MYCBP2: variants seen among roughly 807,000 people sequenced by gnomAD.
The protein encoded by MYCBP2 is MYC binding protein 2.
In MYCBP2, 120 loss-of-function variants were observed where a neutral mutation model predicts 525.3. The observed-to-expected ratio is 0.23, with a 90% CI of 0.20 to 0.27. The LOEUF is 0.27. Among genes scored for constraint, MYCBP2 ranks in the 10% least tolerant of loss-of-function variants. MYCBP2 has a pLI of 1.00. For missense variants in MYCBP2, 4,149 were observed against 5,657.1 expected, an observed-to-expected ratio of 0.73 and a Z score of 8.55; for synonymous variants, 1,894 against 1,955.8, an observed-to-expected ratio of 0.97 and a Z score of 0.83.
chr13:77,180,294 T>C lies in MYCBP2; in HGVS notation c.4966A>G (p.Thr1656Ala). ...TTCTCCAGAACTTCACGGAAGCTTG[T>C]CATCCCTGAGATATTCTCTTCACTC... ...SQSEENISGMTSFREVLEKML... is the reference protein window; with the variant it reads ...SQSEENISGMASFREVLEKML... The change falls in exon 34 of 83, where the codon ACA (threonine) becomes GCA (alanine). Residue 1656 changes from threonine to alanine, a missense_variant. Physicochemically the swap from Thr to Ala is moderately conservative, Grantham distance 58. Coordinates refer to ENST00000544440, the MANE Select transcript of MYCBP2 (RefSeq NM_015057.5). 1 of 1,614,156 alleles carries C rather than the reference T, an allele frequency of 6.2e-7. No individual in the cohort carries two copies. Among genetic ancestry groups the C allele is most frequent in the Non-Finnish European group, 8.5e-7 (1 of 1,179,990 alleles).
intron 17 of MYCBP2, among the ~76,000 whole-genome samples, chr13:77,241,200 T>C (rs569267551): frequency 6.6e-6 from 1 of 152,306 alleles, no homozygotes; most frequent in Admixed American, 6.5e-5. Flanking sequence ...AAGAATATTC[T>C]GCAATCACCA....
At chr13:77,184,445 A>C (rs942206605) in intron 32 of MYCBP2, among the ~76,000 whole-genome samples, 8 of 152,344 alleles carry the variant, frequency 5.3e-5, no homozygotes, top group African/African-American at 1.9e-4. Flanking sequence ...TCTTTTAAAA[A>C]TCATGTGTAC....
intron 60 of MYCBP2, 90 bp from the exon 61 acceptor site, chr13:77,089,121 G>T (rs2044889343): frequency 2.0e-6 from 2 of 975,756 alleles, no homozygotes; most frequent in East Asian, 2.7e-5. Context: ...TAAAGCCTTT[G>T]TCATTGGTTT....
intron 1 of MYCBP2, among the ~76,000 whole-genome samples, chr13:77,308,783 T>C (rs184997868): frequency 6.6e-6 from 1 of 152,182 alleles, no homozygotes; most frequent in Non-Finnish European, 1.5e-5. Context: ...GTTACCCTGA[T>C]GGGGAACTAG....
intron 14 of MYCBP2, among the ~76,000 whole-genome samples, chr13:77,252,993 T>C (rs939214327): frequency 1.3e-4 from 19 of 151,994 alleles, no homozygotes; most frequent in African/African-American, 4.6e-4. Context: ...CTAATTTATA[T>C]GGAAAATAAA....
intron 15 of MYCBP2, among the ~76,000 whole-genome samples, chr13:77,247,994 G>A (rs1309429753): frequency 6.6e-6 from 1 of 151,996 alleles, no homozygotes; most frequent in African/African-American, 2.4e-5. Flanking sequence ...CCTGTTGTGG[G>A]GTGGGGGAAG....
chr13:77,317,766 G>A (rs867732663), intron 1 of MYCBP2, among the ~76,000 whole-genome samples: 6 of 152,096 alleles, frequency 3.9e-5, no homozygotes, highest in South Asian at 4.2e-4. Context: ...GTGAAACCCC[G>A]TCTCTACTAA....
chr13:77,182,193 T>G (rs1595197602), intron 32 of MYCBP2, among the ~76,000 whole-genome samples: 1 of 152,174 alleles, frequency 6.6e-6, no homozygotes, highest in Non-Finnish European at 1.5e-5. Context: ...TATTTTCATA[T>G]CCTCACAATC....
At chr13:77,312,966 T>C (rs2080455758) in intron 1 of MYCBP2, among the ~76,000 whole-genome samples, 1 of 151,930 alleles carries the variant, frequency 6.6e-6, no homozygotes, top group Non-Finnish European at 1.5e-5. Flanking sequence ...CCGAACACAT[T>C]CTTCTCAAGT....
chr13:77,282,643 T>C (rs951980040), intron 3 of MYCBP2, among the ~76,000 whole-genome samples: 4 of 151,984 alleles, frequency 2.6e-5, no homozygotes, highest in Non-Finnish European at 5.9e-5. Context: ...TAGTGATAAC[T>C]CCCAAATCTA....
intron 8 of MYCBP2, among the ~76,000 whole-genome samples, chr13:77,266,152 T>C (rs1477906785): frequency 1.3e-5 from 2 of 152,204 alleles, no homozygotes; most frequent in Non-Finnish European, 2.9e-5. Context: ...CAGTCTCTAT[T>C]AAATGTGCAG....
intron 2 of MYCBP2, 145 bp downstream of exon 2, chr13:77,296,454 G>T: frequency 1.2e-6 from 1 of 831,642 alleles, no homozygotes; most frequent in Non-Finnish European, 1.7e-6. Flanking sequence ...GAAACTAAAA[G>T]AGGAACCAAA....
intron 62 of MYCBP2, among the ~76,000 whole-genome samples, chr13:77,084,597 G>C (rs1394804612): frequency 6.6e-6 from 1 of 152,084 alleles, no homozygotes; most frequent in East Asian, 1.9e-4. Flanking sequence ...TTACTCCTAA[G>C]GCATGGTCTG....
At chr13:77,148,964 G>A (rs2056058577) in intron 47 of MYCBP2, among the ~76,000 whole-genome samples, 1 of 151,914 alleles carries the variant, frequency 6.6e-6, no homozygotes, top group Non-Finnish European at 1.5e-5. Context: ...TCCTATTTAA[G>A]GCCAATGCTA....
chr13:77,142,578 T>A (rs2054864566), intron 49 of MYCBP2, among the ~76,000 whole-genome samples: 1 of 152,238 alleles, frequency 6.6e-6, no homozygotes, highest in Non-Finnish European at 1.5e-5. Flanking sequence ...ATTATTACTA[T>A]CTCCACCCTG....
intron 29 of MYCBP2, among the ~76,000 whole-genome samples, chr13:77,189,428 A>G (rs1487146930): frequency 2.6e-5 from 4 of 152,202 alleles, no homozygotes; most frequent in Admixed American, 2.6e-4. Context: ...GTAGAGCTAC[A>G]TATTACAAAC....
intron 55 of MYCBP2, among the ~76,000 whole-genome samples, chr13:77,110,515 T>G (rs945419822): frequency 2.6e-5 from 4 of 152,196 alleles, no homozygotes; most frequent in Non-Finnish European, 5.9e-5. Flanking sequence ...CCTTGTGATC[T>G]TTGCTTTGCC....
intron 30 of MYCBP2, among the ~76,000 whole-genome samples, chr13:77,188,203 A>G (rs892563996): frequency 2.0e-5 from 3 of 152,158 alleles, no homozygotes; most frequent in African/African-American, 4.8e-5. Flanking sequence ...CATTCCTACC[A>G]GGAATATATA....
At chr13:77,056,073 C>T (rs140146141) in intron 79 of MYCBP2, among the ~76,000 whole-genome samples, 1,801 of 145,898 alleles carry the variant, frequency 0.012, 39 homozygotes, top group South Asian at 0.08. Context: ...TACCTTGTTG[C>T]CACAAATAAG....
Sources: allele counts gnomAD v4.1 joint callset (sites outside exome capture counted in the v4.1 genomes callset), GRCh38; gene constraint gnomAD v4.1.1; transcripts MANE v1.5; gene names NCBI Gene and HGNC (gene_info 2026-07-23, HGNC 2026-07-21).